ASAP1: variants seen among roughly 807,000 people sequenced by gnomAD.
The protein encoded by ASAP1 is ArfGAP with SH3 domain, ankyrin repeat and PH domain 1.
A neutral mutation model predicts 145.2 loss-of-function variants in ASAP1; 43 were observed. That is an observed-to-expected ratio of 0.30 (90% CI 0.23 to 0.38). ASAP1 has a LOEUF of 0.38. Ranked by LOEUF, ASAP1 falls within the 10% of genes least tolerant of loss-of-function variation. The probability of loss-of-function intolerance (pLI) is 1.00; values close to 1 mark genes in which losing one functional copy is unlikely to be tolerated. For synonymous variants in ASAP1, 546 were observed against 515.5 expected (o/e 1.06, Z -0.80); for missense variants, 1,018 against 1,355.3 (o/e 0.75, Z 3.91).
intron 27 of ASAP1, among the ~76,000 whole-genome samples, chr8:130,074,486 C>CACAGAGAG (rs5895034): frequency 7.1e-6 from 1 of 140,484 alleles, no homozygotes; most frequent in Non-Finnish European, 1.6e-5. Flanking sequence ...CACACACACA[C>CACAGAGAG]AGAGAGAACG....
At chr8:130,062,851 G>A (rs1345759745) in intron 27 of ASAP1, among the ~76,000 whole-genome samples, 1 of 152,148 alleles carries the variant, frequency 6.6e-6, no homozygotes, top group African/African-American at 2.4e-5. Flanking sequence ...GTACATGCCT[G>A]CAGTCCTAGC....
At chr8:130,057,837 C>T in intron 29 of ASAP1, 117 bp downstream of exon 29, 1 of 1,303,256 alleles carries the variant, frequency 7.7e-7, no homozygotes, top group Non-Finnish European at 1.1e-6. Flanking sequence ...ATGCAGCTGA[C>T]AGGGTCCTTG....
At chr8:130,265,541 C>A (rs1018301591) in intron 3 of ASAP1, among the ~76,000 whole-genome samples, 2 of 150,504 alleles carry the variant, frequency 1.3e-5, no homozygotes, top group Non-Finnish European at 2.9e-5. Flanking sequence ...CCACTGCACT[C>A]CAGCCTGGGT....
At chr8:130,397,463 G>A (rs1293699101) in intron 2 of ASAP1, among the ~76,000 whole-genome samples, 1 of 152,146 alleles carries the variant, frequency 6.6e-6, no homozygotes, top group Non-Finnish European at 1.5e-5. Context: ...TTAAATAAGA[G>A]GTCCCTGTAT....
chr8:130,325,769 C>T (rs1824285781), intron 3 of ASAP1, among the ~76,000 whole-genome samples: 1 of 152,182 alleles, frequency 6.6e-6, no homozygotes, highest in African/African-American at 2.4e-5. Context: ...GTCTCTCCTA[C>T]TTCTTATAAA....
At chr8:130,114,769 ATTT>A (rs60433249) in intron 23 of ASAP1, among the ~76,000 whole-genome samples, 2 of 134,930 alleles carry the variant, frequency 1.5e-5, no homozygotes, top group Admixed American at 7.5e-5. Flanking sequence ...TTGAAGGTTA[ATTT>A]TTTTTTTTTT....
At chr8:130,114,411 A>C (rs976905980) in intron 23 of ASAP1, among the ~76,000 whole-genome samples, 9 of 152,240 alleles carry the variant, frequency 5.9e-5, no homozygotes, top group Non-Finnish European at 7.3e-5. Context: ...ATGTTATATA[A>C]GATTAAAAAA....
chr8:130,403,699 T>G (rs546600849), intron 1 of ASAP1, among the ~76,000 whole-genome samples: 1 of 152,032 alleles, frequency 6.6e-6, no homozygotes, highest in Non-Finnish European at 1.5e-5. Context: ...ATTACAGGTG[T>G]CCGCCACCAC....
At chr8:130,415,831 C>A (rs553621436) in intron 1 of ASAP1, among the ~76,000 whole-genome samples, 1 of 152,006 alleles carries the variant, frequency 6.6e-6, no homozygotes, top group East Asian at 1.9e-4. Flanking sequence ...CTAACACTGG[C>A]CCTTCCACTG....
intron 15 of ASAP1, among the ~76,000 whole-genome samples, chr8:130,130,149 T>G (rs891421695): frequency 1.3e-5 from 2 of 152,170 alleles, no homozygotes; most frequent in Middle Eastern, 3.2e-3. Context: ...CACCCCAAAT[T>G]TGAAATCCAA....
rs538045170 is a variant in ASAP1, at chr8:130,150,463, C to T, written c.1080+2273G>A. On this transcript the variant is annotated intron_variant, in intron 13 of 29. Transcript: ENST00000518721. ...TTCCACAGCAGATTCCTAAGAAAAG[C>T]AAATAGATACAACATGATAAAACCA... 2.0e-5 allele frequency among the ~76,000 whole-genome samples: 3 copies of T among 152,302 alleles called. No homozygotes were observed. The South Asian group carries it at 6.2e-4, about 32-fold the overall frequency.
At chr8:130,410,500 C>G (rs929480003) in intron 1 of ASAP1, among the ~76,000 whole-genome samples, 2 of 152,236 alleles carry the variant, frequency 1.3e-5, no homozygotes, top group Non-Finnish European at 2.9e-5. Context: ...CCAGCAGGAG[C>G]AGGCTCAACC....
At chr8:130,316,739 C>T (rs571960136) in intron 3 of ASAP1, among the ~76,000 whole-genome samples, 4 of 152,198 alleles carry the variant, frequency 2.6e-5, no homozygotes, top group East Asian at 1.9e-4. Context: ...TCCCAAAGGA[C>T]GCCACAAACC....
intron 27 of ASAP1, among the ~76,000 whole-genome samples, chr8:130,072,465 G>A (rs145860211): frequency 1.1e-4 from 17 of 151,956 alleles, no homozygotes; most frequent in African/African-American, 2.4e-4. Context: ...CGTGCCTTTC[G>A]CCTTCTGCCA....
At chr8:130,370,319 A>G (rs1326036631) in intron 2 of ASAP1, among the ~76,000 whole-genome samples, 2 of 152,088 alleles carry the variant, frequency 1.3e-5, no homozygotes, top group African/African-American at 4.8e-5. Context: ...ACAAACAAAC[A>G]AACAAAAAAA....
At chr8:130,080,476 CTCT>C (rs199631877) in intron 25 of ASAP1, among the ~76,000 whole-genome samples, 56,541 of 138,488 alleles carry the variant, frequency 0.41, 10,896 homozygotes, top group Admixed American at 0.46. Context: ...TTCATTCTCT[CTCT>C]TTTTTTTTTT....
chr8:130,302,263 A>T (rs1401374401), intron 3 of ASAP1, among the ~76,000 whole-genome samples: 2 of 152,240 alleles, frequency 1.3e-5, no homozygotes, highest in Non-Finnish European at 2.9e-5. Context: ...AAATAAACAC[A>T]ATGGAAACCA....
intron 27 of ASAP1, 21 bp from the exon 28 acceptor site, chr8:130,061,090 AAGG>A (rs2097418565): frequency 3.3e-6 from 5 of 1,519,808 alleles, no homozygotes; most frequent in Non-Finnish European, 4.4e-6. Context: ...AATCAAAAAC[AAGG>A]AGGTCATTGG....
chr8:130,189,428 G>A (rs1191713684), intron 5 of ASAP1, among the ~76,000 whole-genome samples: 1 of 151,758 alleles, frequency 6.6e-6, no homozygotes, highest in Non-Finnish European at 1.5e-5. Context: ...TTATCTTTCT[G>A]TACTTGGCTT....
Sources: gnomAD v4.1 joint callset for allele counts (sites outside exome capture counted in the v4.1 genomes callset) on GRCh38, gnomAD v4.1.1 for gene constraint, MANE v1.5 for transcripts, NCBI Gene and HGNC (gene_info 2026-07-23, HGNC 2026-07-21) for gene names.